The following RLIG1 variants were observed in gnomAD, a reference collection of about 807,000 sequenced individuals.
The protein encoded by RLIG1 is RNA ligase 1.
At chr12:88,048,417 G>C in the RLIG1 span, 2 of 1,368,210 alleles carry the variant, frequency 1.5e-6, no homozygotes, top group Non-Finnish European at 1.0e-6. Flanking sequence ...AATATTTGAT[G>C]TATAAAATGC....
At chr12:88,038,112 AATC>A in the RLIG1 span, among the ~76,000 whole-genome samples, 1 of 152,136 alleles carries the variant, frequency 6.6e-6, no homozygotes, top group African/African-American at 2.4e-5. Context: ...AAAAAAACAA[AATC>A]AACTTCAAAT....
the RLIG1 span, among the ~76,000 whole-genome samples, chr12:88,041,346 C>T: frequency 6.6e-6 from 1 of 152,128 alleles, no homozygotes; most frequent in East Asian, 1.9e-4. Context: ...TCCAGTCAAC[C>T]ATTGCTGGAC....
chr12:88,049,587 C>A, the RLIG1 span: 18 of 507,652 alleles, frequency 3.5e-5, no homozygotes, highest in Non-Finnish European at 6.3e-5. Flanking sequence ...GTGTAAATAA[C>A]TAAGTTGTTA....
the RLIG1 span, among the ~76,000 whole-genome samples, chr12:88,045,967 A>C: frequency 6.6e-6 from 1 of 152,146 alleles, no homozygotes; most frequent in East Asian, 1.9e-4. Context: ...TTAATCCAAA[A>C]GGTTGATTTT....
At chr12:88,049,635 C>G in the RLIG1 span, 3 of 377,808 alleles carry the variant, frequency 7.9e-6, no homozygotes, top group South Asian at 1.3e-4. Flanking sequence ...AAGTTGTGTT[C>G]TAGTCTTTGA....
the RLIG1 span, chr12:88,046,865 A>G: frequency 6.2e-7 from 1 of 1,613,206 alleles, no homozygotes; most frequent in Admixed American, 1.7e-5. Flanking sequence ...CATTTCAAAT[A>G]AGAAATCTAC....
chr12:88,035,801 A>T, the RLIG1 span: 1 of 1,551,018 alleles, frequency 6.4e-7, no homozygotes, highest in Non-Finnish European at 8.7e-7. Context: ...GCGCTGGCTC[A>T]GTGCGAACCC....
chr12:88,035,718 T>G, the RLIG1 span: 2 of 1,603,884 alleles, frequency 1.2e-6, no homozygotes, highest in East Asian at 4.5e-5. Context: ...AGAGGAGCCT[T>G]CCTCCAAAAG....
At chr12:88,036,925 A>G in the RLIG1 span, among the ~76,000 whole-genome samples, 1 of 152,198 alleles carries the variant, frequency 6.6e-6, no homozygotes, top group Non-Finnish European at 1.5e-5. Context: ...TCAACTTCGT[A>G]TGTTTGAGGG....
the RLIG1 span, among the ~76,000 whole-genome samples, chr12:88,046,525 T>C: frequency 7.0e-6 from 1 of 143,670 alleles, no homozygotes; most frequent in Non-Finnish European, 1.5e-5. Context: ...CATGAGTGGG[T>C]GCGGCTGTGT....
the RLIG1 span, among the ~76,000 whole-genome samples, chr12:88,036,666 A>T: frequency 6.6e-6 from 1 of 152,198 alleles, no homozygotes; most frequent in Non-Finnish European, 1.5e-5. Flanking sequence ...ACCTTATAGC[A>T]TCTGATCTTT....
At chr12:88,049,013 T>A in the RLIG1 span, 1 of 422,876 alleles carries the variant, frequency 2.4e-6, no homozygotes, top group Non-Finnish European at 4.2e-6. Flanking sequence ...TATACTTTTA[T>A]AATAAGTTGA....
At chr12:88,048,907 A>G in the RLIG1 span, 1 of 244,676 alleles carries the variant, frequency 4.1e-6, no homozygotes, top group Non-Finnish European at 7.6e-6. Context: ...TGCTGAATTT[A>G]CCCTCATATT....
chr12:88,046,390 A>C, the RLIG1 span, among the ~76,000 whole-genome samples: 193 of 152,286 alleles, frequency 1.3e-3, 1 homozygote, highest in Admixed American at 0.01. Flanking sequence ...AACGTTGAAG[A>C]ATAGTTGAAT....
At chr12:88,043,225 A>G in the RLIG1 span, among the ~76,000 whole-genome samples, 1 of 152,086 alleles carries the variant, frequency 6.6e-6, no homozygotes, top group African/African-American at 2.4e-5. Context: ...TCAGGAAATT[A>G]ATATTTTTAA....
chr12:88,049,173 A>G, the RLIG1 span: 20 of 1,505,368 alleles, frequency 1.3e-5, no homozygotes, highest in African/African-American at 1.3e-4. Context: ...AACAAAGTTT[A>G]TAGGTGACCT....
the RLIG1 span, chr12:88,044,564 CAAT>C: frequency 9.2e-5 from 14 of 152,050 alleles, no homozygotes; most frequent in African/African-American, 3.1e-4. Context: ...AGAAATTAAC[CAAT>C]AATAGTATGA....
the RLIG1 span, chr12:88,049,037 TTTTA>T: frequency 6.1e-5 from 27 of 444,356 alleles, no homozygotes; most frequent in Middle Eastern, 1.8e-3. Flanking sequence ...TTTCATATAA[TTTTA>T]TTTATTAAGA....
At chr12:88,035,655 C>T in the RLIG1 span, 1 of 1,605,222 alleles carries the variant, frequency 6.2e-7, no homozygotes, top group African/African-American at 1.3e-5. Context: ...CATCATGAAG[C>T]GCTTGGGCTC....
Sources: allele counts gnomAD v4.1 joint callset (sites outside exome capture counted in the v4.1 genomes callset), GRCh38; gene constraint gnomAD v4.1.1; transcripts MANE v1.5; gene names NCBI Gene and HGNC (gene_info 2026-07-23, HGNC 2026-07-21).